The following XXYLT1 variants were observed in gnomAD, a reference collection of about 807,000 sequenced individuals.
The protein encoded by XXYLT1 is xyloside xylosyltransferase 1, also known as UDP-xylose:alpha-xyloside alpha-1,3-xylosyltransferase.
In XXYLT1, 20 loss-of-function variants were observed where a neutral mutation model predicts 28.9. The observed-to-expected ratio is 0.69, with a 90% CI of 0.49 to 1.00. XXYLT1 has a LOEUF of 1.00. Ranked by LOEUF, XXYLT1 falls within the 50% of genes least tolerant of loss-of-function variation. XXYLT1 has a pLI of 0.00. For synonymous variants in XXYLT1, 257 were observed against 253.8 expected, an observed-to-expected ratio of 1.01 and a Z score of -0.12; for missense variants, 542 against 560.1, an observed-to-expected ratio of 0.97 and a Z score of 0.33.
At chr3:195,251,353 G>A (rs1725245852) in intron 1 of XXYLT1, among the ~76,000 whole-genome samples, 1 of 152,234 alleles carries the variant, frequency 6.6e-6, no homozygotes, top group Admixed American at 6.5e-5. Flanking sequence ...GGAAGGCGGG[G>A]CCCAGCCAGG....
intron 3 of XXYLT1, among the ~76,000 whole-genome samples, chr3:195,102,113 T>G (rs1716823182): frequency 6.6e-6 from 1 of 151,580 alleles, no homozygotes; most frequent in African/African-American, 2.4e-5. Context: ...AAAAAGAGAA[T>G]TGTCTGGTAT....
intron 3 of XXYLT1, among the ~76,000 whole-genome samples, chr3:195,075,794 G>T (rs1029671169): frequency 7.9e-5 from 12 of 152,204 alleles, no homozygotes; most frequent in African/African-American, 2.9e-4. Flanking sequence ...AGCCCTCTTT[G>T]AAGGCCAGCA....
chr3:195,072,090 A>C (rs1030178301), intron 3 of XXYLT1, among the ~76,000 whole-genome samples: 1 of 151,746 alleles, frequency 6.6e-6, no homozygotes, highest in Admixed American at 6.6e-5. Context: ...TGTCCACAGG[A>C]CCTCACAGGG....
At chr3:195,169,809 G>A (rs1721307019) in intron 2 of XXYLT1, among the ~76,000 whole-genome samples, 3 of 151,060 alleles carry the variant, frequency 2.0e-5, no homozygotes, top group South Asian at 2.1e-4. Flanking sequence ...GTTCTATGTA[G>A]GAGTATCAGT....
chr3:195,143,871 GATAT>G lies in XXYLT1; in HGVS notation c.785+12574_785+12577del, dbSNP rs1334344433. ...ATATATATAGATATATATAGATATA[GATAT>G]ATATATATATATATTTATTTTTTAT... On this transcript the variant is annotated intron_variant, in intron 3 of 3. Transcript: ENST00000310380. Among the ~76,000 whole-genome samples the G allele has an allele frequency of 9.1e-4, 74 of 81,706 alleles. 4 individuals carry two copies. The highest frequency in any genetic ancestry group is 3.2e-3 in the African/African-American group (66 of 20,384). The allele number at this position is 81,706 out of a possible 152,430, so 53.6% of individuals were successfully genotyped here.
intron 1 of XXYLT1, among the ~76,000 whole-genome samples, chr3:195,263,998 G>A (rs1337860044): frequency 1.3e-5 from 2 of 152,144 alleles, no homozygotes; most frequent in Non-Finnish European, 2.9e-5. Flanking sequence ...AAACACTCCG[G>A]CCTGTTGCTC....
At chr3:195,090,793 G>GA (rs1215526501) in intron 3 of XXYLT1, among the ~76,000 whole-genome samples, 1 of 149,112 alleles carries the variant, frequency 6.7e-6, no homozygotes, top group Admixed American at 6.6e-5. Flanking sequence ...GACTAATAAA[G>GA]AAAAAAAGAG....
At chr3:195,196,094 C>G (rs903806986) in intron 2 of XXYLT1, among the ~76,000 whole-genome samples, 4 of 152,236 alleles carry the variant, frequency 2.6e-5, no homozygotes, top group African/African-American at 9.6e-5. Flanking sequence ...CCAGCAGAAC[C>G]CTGTGCCTGA....
chr3:195,118,065 T>C (rs914231497), intron 3 of XXYLT1, among the ~76,000 whole-genome samples: 2 of 152,224 alleles, frequency 1.3e-5, no homozygotes, highest in African/African-American at 4.8e-5. Context: ...ACAAGTACAT[T>C]TCCTGTCCCA....
chr3:195,203,685 C>T (rs1722947846), intron 2 of XXYLT1, among the ~76,000 whole-genome samples: 1 of 148,944 alleles, frequency 6.7e-6, no homozygotes, highest in South Asian at 2.1e-4. Flanking sequence ...CAGCAGGATT[C>T]CTCCGCCCAG....
intron 2 of XXYLT1, among the ~76,000 whole-genome samples, chr3:195,158,424 T>A (rs1405912417): frequency 6.6e-6 from 1 of 152,210 alleles, no homozygotes; most frequent in African/African-American, 2.4e-5. Flanking sequence ...TGTCTTAATA[T>A]ACCCTTCAGT....
intron 1 of XXYLT1, among the ~76,000 whole-genome samples, chr3:195,250,925 A>G (rs542806799): frequency 1.4e-4 from 21 of 152,330 alleles, no homozygotes; most frequent in Non-Finnish European, 2.6e-4. Context: ...GCAATACTGG[A>G]CGGGGTTACA....
Position 195,069,558 on chromosome 3 carries a change from G to T in XXYLT1, c.*157C>A. On this transcript the variant is annotated 3_prime_UTR_variant, in exon 4 of 4. Coordinates refer to ENST00000310380, the MANE Select transcript of XXYLT1 (RefSeq NM_152531.5). ...GGCCAGTCCTTGGCGGGTGGCCTCA[G>T]CACAGTGACCTGCCCGGCAGGAGGT... 1 of 1,135,826 alleles carries T rather than the reference G, an allele frequency of 8.8e-7. No homozygotes were observed. The highest frequency in any genetic ancestry group is 1.2e-6 in the Non-Finnish European group (1 of 809,328). 70.4% of individuals were successfully genotyped at this position (1,135,826 alleles called of 1,614,324 possible).
At chr3:195,227,735 C>G (rs1298605739) in intron 1 of XXYLT1, among the ~76,000 whole-genome samples, 1 of 151,842 alleles carries the variant, frequency 6.6e-6, no homozygotes, top group African/African-American at 2.4e-5. Flanking sequence ...TGACCCTGGC[C>G]TCCAGATTCT....
rs938515291 is a variant in XXYLT1 at position 195,124,335 on chromosome 3, T to C, written c.785+32114A>G. Among the ~76,000 whole-genome samples the C allele has an allele frequency of 6.6e-6, 1 of 152,198 alleles. No homozygotes were observed. Among genetic ancestry groups the C allele is most frequent in the Non-Finnish European group, 1.5e-5 (1 of 68,022 alleles). On this transcript the variant is annotated intron_variant, in intron 3 of 3. Transcript: ENST00000310380. The surrounding 1 kb of genome is among the most constrained non-coding windows in gnomAD (Gnocchi z 4.1). ...AGGTTTTCTACAGGAACTGACCAGA[T>C]GGTTGGGGGCTGGACTGAGATGCTT...
In XXYLT1 at chr3:195,238,142, G is replaced by A. The variant is rs531123079; in HGVS notation, c.505-11286C>T. On this transcript the variant is annotated intron_variant, in intron 1 of 3. Transcript: ENST00000310380. ...CCGCTGCAATAGTGGTTCTGGCCCC[G>A]TCCCCCGACCTCCCCGCCTCGTGTG... Among the ~76,000 whole-genome samples the A allele has an allele frequency of 6.8e-4, 104 of 152,208 alleles. 2 individuals carry two copies. Among genetic ancestry groups the A allele is most frequent in the Admixed American group, 7.2e-4 (11 of 15,304 alleles).
At chr3:195,197,316 A>G (rs565897367) in intron 2 of XXYLT1, among the ~76,000 whole-genome samples, 1 of 152,234 alleles carries the variant, frequency 6.6e-6, no homozygotes, top group South Asian at 2.1e-4. Context: ...GCACGCCTGT[A>G]GTCCCAGCTA....
chr3:195,131,048 T>C (rs1292647140), intron 3 of XXYLT1, among the ~76,000 whole-genome samples: 1 of 151,602 alleles, frequency 6.6e-6, no homozygotes, highest in Non-Finnish European at 1.5e-5. Context: ...CTTCAATGTA[T>C]CCCTCGTGCC....
chr3:195,226,763 A>C lies in XXYLT1; in HGVS notation c.598T>G (p.Tyr200Asp). The C allele has an allele frequency of 1.2e-6, 2 of 1,613,950 alleles. No homozygotes were observed. Among genetic ancestry groups the C allele is most frequent in the Non-Finnish European group, 1.7e-6 (2 of 1,179,984 alleles). Residue 200 changes from tyrosine (Y) to aspartate (D), a missense_variant, in exon 2 of 4, where the codon TAC (tyrosine) becomes GAC (aspartate). Tyr to Asp is a radical substitution (Grantham distance 160). Transcript: ENST00000310380. ...GAGAGGAAGAAGATGGAGTCACTGT[A>C]GTAGGTTCCCAAGCCAGCACTGAAG... ...KHFSAGLGTYYSDSIFFLSVA... is the reference protein window; with the variant it reads ...KHFSAGLGTYDSDSIFFLSVA...
Sources: allele counts gnomAD v4.1 joint callset (sites outside exome capture counted in the v4.1 genomes callset), GRCh38; gene constraint gnomAD v4.1.1; non-coding constraint Gnocchi (gnomAD v3.1); transcripts MANE v1.5; gene names NCBI Gene and HGNC (gene_info 2026-07-23, HGNC 2026-07-21).